Variants in VDR observed in about 807,000 individuals in gnomAD.
The protein encoded by VDR is vitamin D3 receptor.
A neutral mutation model predicts 39.7 loss-of-function variants in VDR; 19 were observed. The ratio of observed to expected loss-of-function variants is 0.48; its 90% CI spans 0.33 to 0.70. The LOEUF (loss-of-function observed/expected upper bound fraction) is 0.70. VDR is among the 30% of genes least tolerant of loss of function. The pLI is 0.02. For missense variants in VDR, 442 were observed against 570.5 expected (o/e 0.77, Z 2.29); for synonymous variants, 242 against 215.8 (o/e 1.12, Z -1.07).
intron 1 of VDR, among the ~76,000 whole-genome samples, chr12:47,884,420 G>C (rs1377539026): frequency 6.6e-6 from 1 of 152,184 alleles, no homozygotes; most frequent in Non-Finnish European, 1.5e-5. Context: ...AGCTAGGCAA[G>C]TGGTGGTTCC....
Position 47,857,188 on chromosome 12 carries a change from G to A in VDR, c.524C>T (p.Thr175Ile). ...SHPSRPNSRH[T>I]PSFSGDSSSS... ...GGAGGAGTCCCCAGAGAAGCTGGGA[G>A]TGTGTCTGGAGTTGGGCCTGGAAGG... Residue 175 changes from threonine to isoleucine, a missense_variant, in exon 6 of 10, where the codon ACT (threonine) becomes ATT (isoleucine). Thr to Ile is a moderately conservative substitution (Grantham distance 89). Coordinates refer to ENST00000549336, the MANE Select transcript of VDR (RefSeq NM_000376.3). 6.2e-7 allele frequency: 1 copy of A among 1,614,218 alleles called. No individual in the cohort carries two copies. The highest frequency in any genetic ancestry group is 8.5e-7 in the Non-Finnish European group (1 of 1,180,040).
At chr12:47,881,926 C>T (rs941000781) in intron 2 of VDR, among the ~76,000 whole-genome samples, 10 of 152,158 alleles carry the variant, frequency 6.6e-5, no homozygotes, top group African/African-American at 2.4e-4. Context: ...TCCGAGTCAT[C>T]GTGGTGTTGC....
At chr12:47,876,241 A>ATGTG (rs1235866872) in intron 3 of VDR, among the ~76,000 whole-genome samples, 3 of 136,854 alleles carry the variant, frequency 2.2e-5, no homozygotes, top group Non-Finnish European at 4.9e-5. Context: ...GTGTGTGTGC[A>ATGTG]TGTGTGTGTT....
At chr12:47,894,709 T>C (rs1946434437) in intron 1 of VDR, among the ~76,000 whole-genome samples, 1 of 152,208 alleles carries the variant, frequency 6.6e-6, no homozygotes, top group African/African-American at 2.4e-5. Context: ...TTTGGAACAA[T>C]AGCTCAGAGT....
intron 3 of VDR, among the ~76,000 whole-genome samples, chr12:47,874,199 C>G (rs1945953088): frequency 6.6e-6 from 1 of 152,200 alleles, no homozygotes; most frequent in Admixed American, 6.5e-5. Flanking sequence ...CATTCTCTTT[C>G]ATTCACATCC....
intron 4 of VDR, among the ~76,000 whole-genome samples, chr12:47,860,019 G>A (rs1318295372): frequency 6.7e-6 from 1 of 149,776 alleles, no homozygotes; most frequent in Non-Finnish European, 1.5e-5. Flanking sequence ...CTGGAGTGCA[G>A]TGGCACCACC....
At chr12:47,846,138 G>A (rs1945274872) in intron 9 of VDR, among the ~76,000 whole-genome samples, 197 bp downstream of exon 9, 1 of 152,238 alleles carries the variant, frequency 6.6e-6, no homozygotes, top group African/African-American at 2.4e-5. Context: ...CTGCAAGGCA[G>A]AGCTAAGGGC....
chr12:47,896,187 T>C (rs1946462239), intron 1 of VDR, among the ~76,000 whole-genome samples: 1 of 152,262 alleles, frequency 6.6e-6, no homozygotes, highest in South Asian at 2.1e-4. Flanking sequence ...GTGCTCAGCA[T>C]AGTGCCTGGC....
chr12:47,889,993 A>G (rs1371154737), intron 1 of VDR, among the ~76,000 whole-genome samples: 1 of 151,750 alleles, frequency 6.6e-6, no homozygotes, highest in Non-Finnish European at 1.5e-5. Flanking sequence ...TTTTTTTTTA[A>G]TTGCACATCA....
chr12:47,867,896 T>G (rs1945770374), intron 3 of VDR, among the ~76,000 whole-genome samples: 1 of 152,178 alleles, frequency 6.6e-6, no homozygotes, highest in African/African-American at 2.4e-5. Flanking sequence ...AAGCTTGCTC[T>G]AGCAAATGGA....
rs1945704750 is a variant in VDR at position 47,865,177 on chromosome 12, C to T, written c.147G>A (p.Arg49=). ...ATAGTGCCTTCCGCTTCATGCTTCG[C>T]CTGCCGAGAGAGCACACACCCTGCC... is the stretch of plus-strand genomic sequence containing the variant. ...MTCEGCKGFF[R]RSMKRKALFT... is the part of the protein sequence containing the mutation. Residue 49 remains arginine, a splice_region_variant and synonymous_variant, in exon 4 of 10, where the codon AGG becomes AGA. Coordinates refer to ENST00000549336, the MANE Select transcript of VDR (RefSeq NM_000376.3). 2 of 1,611,622 alleles carry T rather than the reference C, an allele frequency of 1.2e-6. No homozygotes were observed. The highest frequency in any genetic ancestry group is 2.2e-5 in the South Asian group (2 of 91,084).
intron 7 of VDR, among the ~76,000 whole-genome samples, chr12:47,847,300 C>G (rs1454302404): frequency 3.3e-5 from 5 of 152,114 alleles, no homozygotes; most frequent in Non-Finnish European, 5.9e-5. Context: ...TGCCCTGGTT[C>G]AGAGCTCCAG....
intron 7 of VDR, among the ~76,000 whole-genome samples, chr12:47,851,993 A>G (rs1256772365): frequency 6.6e-6 from 1 of 152,250 alleles, no homozygotes; most frequent in East Asian, 1.9e-4. Context: ...AACCTCGGGA[A>G]GAGAAACTGA....
intron 1 of VDR, among the ~76,000 whole-genome samples, chr12:47,895,796 A>G (rs539275675): frequency 6.6e-6 from 1 of 152,346 alleles, no homozygotes; most frequent in African/African-American, 2.4e-5. Flanking sequence ...CCAGCTTTCT[A>G]TGAAAAAGTC....
intron 1 of VDR, among the ~76,000 whole-genome samples, chr12:47,902,605 AGCCC>A (rs1401560120): frequency 5.9e-5 from 9 of 152,318 alleles, no homozygotes; most frequent in African/African-American, 2.2e-4. Flanking sequence ...TGGAAGCTGG[AGCCC>A]TGTAATTCTT....
At chr12:47,855,878 A>T (rs1281598090) in intron 6 of VDR, 77 bp from the exon 7 acceptor site, 2 of 1,581,780 alleles carry the variant, frequency 1.3e-6, no homozygotes, top group East Asian at 2.2e-5. Context: ...CCCTGCAAAA[A>T]CCTGGTGTGC....
intron 3 of VDR, among the ~76,000 whole-genome samples, chr12:47,877,034 A>T (rs1202022285): frequency 6.6e-6 from 1 of 151,996 alleles, no homozygotes; most frequent in African/African-American, 2.4e-5. Context: ...CATATTGACA[A>T]CTCCTAGCCC....
At chr12:47,875,598 A>C (rs959058986) in intron 3 of VDR, among the ~76,000 whole-genome samples, 1 of 152,246 alleles carries the variant, frequency 6.6e-6, no homozygotes, top group Non-Finnish European at 1.5e-5. Context: ...AAGAAGGAGA[A>C]GCAGGCATCA....
rs762363150 is a variant in VDR, at chr12:47,879,014, A to G, written c.100T>C (p.Phe34Leu). Residue 34 changes from phenylalanine (F) to leucine (L), a missense_variant, in exon 3 of 10, where the codon TTT becomes CTT. Transcript: ENST00000549336. ...TCACAGGTCATAGCATTGAAGTGAA[A>G]GCCAGTGGCTCGGTCTCCACACACC... is the stretch of plus-strand genomic sequence containing the variant. ...CGVCGDRATG[F>L]HFNAMTCEGC... The G allele has an allele frequency of 4.3e-6, 7 of 1,614,212 alleles. No homozygotes were observed. The South Asian group carries it at 6.6e-5, about 15-fold the overall frequency.
Sources: gnomAD v4.1 joint callset for allele counts (sites outside exome capture counted in the v4.1 genomes callset) on GRCh38, gnomAD v4.1.1 for gene constraint, MANE v1.5 for transcripts, NCBI Gene and HGNC (gene_info 2026-07-23, HGNC 2026-07-21) for gene names.